ACTL8: variants seen among roughly 807,000 people sequenced by gnomAD.
ACTL8 encodes actin like 8.
ACTL8 carries 3 observed loss-of-function variants against 9.3 expected under a neutral mutation model. That is an observed-to-expected ratio of 0.32 (90% confidence interval 0.15 to 0.83). The LOEUF is 0.83. Among genes scored for constraint, ACTL8 ranks in the 40% least tolerant of loss-of-function variants. ACTL8 has a pLI of 0.57. For missense variants in ACTL8, 381 were observed against 492.2 expected, an observed-to-expected ratio of 0.77 and a Z score of 2.14; for synonymous variants, 224 against 205.9, an observed-to-expected ratio of 1.09 and a Z score of -0.75.
At chr1:17,775,308 C>T (rs1345506314) in intron 1 of ACTL8, among the ~76,000 whole-genome samples, 2 of 152,158 alleles carry the variant, frequency 1.3e-5, no homozygotes, top group Non-Finnish European at 1.5e-5. Context: ...CACCCCATCC[C>T]TCCCCACTCA....
At chr1:17,811,657 C>T (rs1459679889) in intron 1 of ACTL8, among the ~76,000 whole-genome samples, 6 of 152,090 alleles carry the variant, frequency 3.9e-5, no homozygotes, top group Non-Finnish European at 7.4e-5. Flanking sequence ...AGGAATGAGT[C>T]GAGGTTATTA....
At chr1:17,800,719 C>T (rs1308785261) in intron 1 of ACTL8, among the ~76,000 whole-genome samples, 4 of 151,354 alleles carry the variant, frequency 2.6e-5, no homozygotes, top group Admixed American at 6.6e-5. Context: ...TTCAGCCTCC[C>T]GAGTAGCTAG....
chr1:17,786,698 T>G (rs1337686724), intron 1 of ACTL8, among the ~76,000 whole-genome samples: 1 of 152,078 alleles, frequency 6.6e-6, no homozygotes, highest in Non-Finnish European at 1.5e-5. Context: ...ACAATTTTAT[T>G]TTTAATTATT....
rs772429615 is a variant in ACTL8 at position 17,825,859 on chromosome 1, G to C, written c.441G>C (p.Val147=). The part of the protein sequence containing the change: ...LYASGLLTGV[V]VDSGYGLTRV... ...CCTCTGGCCTCCTGACCGGAGTGGT[G>C]GTTGATTCTGGCTATGGCCTGACCC... The change falls in exon 3 of 3, where the codon GTG becomes GTC. Residue 147 remains valine (V), a synonymous_variant. Coordinates refer to ENST00000375406, the MANE Select transcript of ACTL8 (RefSeq NM_030812.3). 6.2e-6 allele frequency: 10 copies of C among 1,613,952 alleles called. No homozygotes were observed. Among genetic ancestry groups the C allele is most frequent in the Non-Finnish European group, 5.9e-6 (7 of 1,180,048 alleles).
intron 1 of ACTL8, among the ~76,000 whole-genome samples, chr1:17,798,154 A>G (rs1275593805): frequency 1.0e-5 from 1 of 99,384 alleles, no homozygotes; most frequent in Non-Finnish European, 1.9e-5. Context: ...CAGAGGTCAT[A>G]TGGGTCTGCG....
chr1:17,759,557 A>G (rs541008364), intron 1 of ACTL8, among the ~76,000 whole-genome samples: 5 of 152,162 alleles, frequency 3.3e-5, no homozygotes, highest in South Asian at 2.1e-4. Flanking sequence ...TTCTCCCCCA[A>G]TGTAGTGAGG....
Position 17,823,155 on chromosome 1 carries a change from G to A in ACTL8, c.147G>A (p.Arg49=), listed in dbSNP as rs1439174800. ...ACCCTGGCCCCAGCTATGCCCGTAG[G>A]CGTGTGAGCCTGGGCATCGACATTT... ...KENPGPSYAR[R]RVSLGIDICH... Residue 49 remains arginine (R), a synonymous_variant, in exon 2 of 3, where the codon AGG becomes AGA. Transcript: ENST00000375406. The surrounding 1 kb of genome is among the most constrained non-coding windows in gnomAD (Gnocchi z 5.3). The A allele has an allele frequency of 1.3e-5, 21 of 1,614,094 alleles. No individual in the cohort carries two copies. The Admixed American group carries it at 2.8e-4, about 22-fold the overall frequency.
chr1:17,794,224 T>C (rs4920640), intron 1 of ACTL8, among the ~76,000 whole-genome samples: 2 of 151,894 alleles, frequency 1.3e-5, no homozygotes, highest in East Asian at 3.9e-4. Context: ...GCTGACCTTT[T>C]AGCCCGTGGT....
intron 1 of ACTL8, among the ~76,000 whole-genome samples, chr1:17,790,714 A>G (rs1199015765): frequency 6.6e-6 from 1 of 152,084 alleles, no homozygotes; most frequent in East Asian, 1.9e-4. Flanking sequence ...ACCCCCTTCT[A>G]CCCAGGAAAC....
intron 1 of ACTL8, among the ~76,000 whole-genome samples, chr1:17,777,493 G>A (rs1310022274): frequency 6.6e-6 from 1 of 152,126 alleles, no homozygotes; most frequent in Non-Finnish European, 1.5e-5. Context: ...GAGATCCTTG[G>A]CCGGTGATAG....
chr1:17,790,161 C>A (rs2066229023), intron 1 of ACTL8, among the ~76,000 whole-genome samples: 1 of 152,228 alleles, frequency 6.6e-6, no homozygotes, highest in South Asian at 2.1e-4. Flanking sequence ...CCACGGCTGG[C>A]ACCGGGGAAC....
chr1:17,761,128 G>A (rs975214674), intron 1 of ACTL8, among the ~76,000 whole-genome samples: 1 of 151,176 alleles, frequency 6.6e-6, no homozygotes, highest in Admixed American at 6.6e-5. Flanking sequence ...GGGTCATTGC[G>A]GCTTAATTTT....
intron 1 of ACTL8, among the ~76,000 whole-genome samples, chr1:17,818,374 A>G (rs1015236017): frequency 8.5e-5 from 13 of 152,112 alleles, no homozygotes; most frequent in Non-Finnish European, 1.3e-4. Context: ...TCTGCAGTCT[A>G]TCCTTTCTAT....
intron 1 of ACTL8, among the ~76,000 whole-genome samples, chr1:17,770,020 A>G (rs775043384): frequency 6.6e-6 from 1 of 152,204 alleles, no homozygotes; most frequent in Non-Finnish European, 1.5e-5. Flanking sequence ...GTATAAATAA[A>G]AATAAAATAT....
intron 1 of ACTL8, among the ~76,000 whole-genome samples, chr1:17,801,451 G>A (rs545141785): frequency 1.3e-5 from 2 of 152,276 alleles, no homozygotes; most frequent in Admixed American, 1.3e-4. Flanking sequence ...CAAATTTAAT[G>A]ATTATTGCAC....
intron 1 of ACTL8, among the ~76,000 whole-genome samples, chr1:17,788,611 G>A (rs189081355): frequency 2.4e-4 from 36 of 152,382 alleles, no homozygotes; most frequent in African/African-American, 8.2e-4. Context: ...CAGAGGAGGA[G>A]GGTGGTATGA....
chr1:17,809,021 T>A (rs919223344), intron 1 of ACTL8, among the ~76,000 whole-genome samples: 2 of 152,114 alleles, frequency 1.3e-5, no homozygotes, highest in African/African-American at 4.8e-5. Context: ...AAGAAACCCA[T>A]GTTTTAGGGA....
intron 1 of ACTL8, among the ~76,000 whole-genome samples, chr1:17,800,203 G>A (rs1229784129): frequency 6.6e-6 from 1 of 152,166 alleles, no homozygotes; most frequent in Non-Finnish European, 1.5e-5. Context: ...TAACATGACA[G>A]TTTCCCTTTT....
At chr1:17,796,417 T>C (rs952555444) in intron 1 of ACTL8, among the ~76,000 whole-genome samples, 1 of 152,006 alleles carries the variant, frequency 6.6e-6, no homozygotes, top group African/African-American at 2.4e-5. Flanking sequence ...AGCTCATACA[T>C]GCAGGTGCCT....
Sources: allele counts gnomAD v4.1 joint callset (sites outside exome capture counted in the v4.1 genomes callset), GRCh38; gene constraint gnomAD v4.1.1; non-coding constraint Gnocchi (gnomAD v3.1); transcripts MANE v1.5; gene names NCBI Gene and HGNC (gene_info 2026-07-23, HGNC 2026-07-21).